EP300: variants seen among roughly 807,000 people sequenced by gnomAD.
The protein encoded by EP300 is histone acetyltransferase p300.
Under a neutral mutation model 264.0 loss-of-function variants are expected in EP300, and 31 were observed. The observed-to-expected ratio is 0.12, with a 90% CI of 0.09 to 0.16. The LOEUF is 0.16. EP300 is among the 10% of genes least tolerant of loss of function. The pLI, the probability that EP300 is intolerant of heterozygous loss-of-function variation, is 1.00. For missense variants in EP300, 2,766 were observed against 3,052.9 expected (o/e 0.91, Z 2.21); for synonymous variants, 1,340 against 1,045.4 (o/e 1.28, Z -5.44).
Position 41,092,775 on chromosome 22 carries a change from G to A in EP300, c.-230G>A, listed in dbSNP as rs895942153. Reference sequence around the variant, plus strand: ...TTTGTGCTCTTGTGCCCTCCTCCGGGCTTGGGCCCAGGCCCGGCCCCTCGC... The same window carrying A: ...TTTGTGCTCTTGTGCCCTCCTCCGGACTTGGGCCCAGGCCCGGCCCCTCGC... On this transcript the variant is annotated 5_prime_UTR_variant, in exon 1 of 31. Coordinates refer to ENST00000263253, the MANE Select transcript of EP300 (RefSeq NM_001429.4). 1.6e-6 allele frequency: 1 copy of A among 626,530 alleles called. No individual in the cohort carries two copies. The highest frequency in any genetic ancestry group is 1.9e-5 in the South Asian group (1 of 53,088). The allele number at this position is 626,530 out of a possible 1,614,324, so 38.8% of individuals were successfully genotyped here.
rs1485746491 is a variant in EP300, at chr22:41,179,079, A to G, written c.*123A>G. ...GACAATTTTCCTTGGAACACATAAG[A>G]ACTGTGCAGTAGCCGTTTGTGGTTT... On this transcript the variant is annotated 3_prime_UTR_variant, in exon 31 of 31. Coordinates refer to ENST00000263253, the MANE Select transcript of EP300 (RefSeq NM_001429.4). 8.8e-7 allele frequency: 1 copy of G among 1,138,872 alleles called. No homozygotes were observed. Among genetic ancestry groups the G allele is most frequent in the East Asian group, 2.5e-5 (1 of 40,188 alleles). 70.5% of individuals were successfully genotyped at this position (1,138,872 alleles called of 1,614,324 possible). A position where few individuals can be genotyped will look rare whatever the true frequency, so the allele number is the denominator to read the frequency against.
At chr22:41,119,707 G>A (rs1364422388) in intron 2 of EP300, among the ~76,000 whole-genome samples, 31 of 152,180 alleles carry the variant, frequency 2.0e-4, no homozygotes. Context: ...TCAGAAACTG[G>A]GTTTATATAG....
rs199783168 is a variant in EP300, at chr22:41,147,540, A to G, written c.2132-297A>G. ...ATCACAAGGTCAGGAGATAGAGACC[A>G]TCCTGGCTAACACAGTGAAACCCCC... is the stretch of plus-strand genomic sequence containing the variant. On this transcript the variant is annotated intron_variant, in intron 11 of 30. Coordinates refer to ENST00000263253, the MANE Select transcript of EP300 (RefSeq NM_001429.4). Among the ~76,000 whole-genome samples, 4 of 152,190 alleles carry G rather than the reference A, an allele frequency of 2.6e-5. No individual in the cohort carries two copies. In the East Asian group the frequency reaches 7.7e-4, roughly 29 times the overall value.
rs2058929868 is a variant in EP300 at position 41,133,113 on chromosome 22, G to A, written c.1528+1480G>A. On this transcript the variant is annotated intron_variant, in intron 6 of 30. Coordinates refer to ENST00000263253, the MANE Select transcript of EP300 (RefSeq NM_001429.4). Reference sequence around the variant, plus strand: ...CCTGCCTTGGCCTCCCAGAGTGCTGGGATTACAGGCATGAGCCACCGCACC... The same window carrying A: ...CCTGCCTTGGCCTCCCAGAGTGCTGAGATTACAGGCATGAGCCACCGCACC... Among the ~76,000 whole-genome samples the A allele has an allele frequency of 7.3e-5, 11 of 151,688 alleles. 1 individual carries two copies. The South Asian group carries it at 2.3e-3, about 32-fold the overall frequency.
chr22:41,105,816 T>G (rs1375241940), intron 1 of EP300, among the ~76,000 whole-genome samples: 1 of 152,206 alleles, frequency 6.6e-6, no homozygotes, highest in African/African-American at 2.4e-5. Flanking sequence ...TGCTTGCACT[T>G]TTGCCCTTTC....
intron 10 of EP300, among the ~76,000 whole-genome samples, chr22:41,145,026 T>C (rs2059003003): frequency 6.6e-6 from 1 of 152,242 alleles, no homozygotes; most frequent in Admixed American, 6.5e-5. Flanking sequence ...CACCATTCTC[T>C]ATTGTTTTGG....
At chr22:41,131,068 G>A (rs767688636) in intron 5 of EP300, among the ~76,000 whole-genome samples, 2 of 152,234 alleles carry the variant, frequency 1.3e-5, no homozygotes, top group South Asian at 2.1e-4. Context: ...CTCCTGTAGT[G>A]TAGGCAGAAA....
At chr22:41,151,470 A>C (rs2059045130) in intron 14 of EP300, among the ~76,000 whole-genome samples, 1 of 152,174 alleles carries the variant, frequency 6.6e-6, no homozygotes, top group South Asian at 2.1e-4. Context: ...TTCTCTGGTG[A>C]GAAGGTAAAA....
At chr22:41,143,870 C>A (rs114655779) in intron 10 of EP300, among the ~76,000 whole-genome samples, 2,678 of 152,288 alleles carry the variant, frequency 0.018, 71 homozygotes, top group African/African-American at 0.062. Flanking sequence ...TGAGCCATCA[C>A]ACCTGGCCAC....
chr22:41,136,516 C>T (rs1394242671), intron 7 of EP300, among the ~76,000 whole-genome samples: 1 of 151,836 alleles, frequency 6.6e-6, no homozygotes, highest in Non-Finnish European at 1.5e-5. Context: ...AAAAAGTTAA[C>T]GGGGCATGGT....
At chr22:41,176,749 G>C (rs552211337) in intron 30 of EP300, 24 bp from the exon 31 acceptor site, 2 of 1,613,690 alleles carry the variant, frequency 1.2e-6, no homozygotes, top group African/African-American at 2.7e-5. Flanking sequence ...GAGAGTTTAC[G>C]TGCACCTCCT....
At chr22:41,143,578 T>C in intron 10 of EP300, among the ~76,000 whole-genome samples, 1 of 152,142 alleles carries the variant, frequency 6.6e-6, no homozygotes, top group East Asian at 1.9e-4. Flanking sequence ...TTGTTGGTTT[T>C]GTTTTTGTTT....
In EP300 at chr22:41,155,080, T is replaced by C. The variant is rs762610158; in HGVS notation, c.3228T>C (p.Arg1076=). The C allele has an allele frequency of 2.5e-6, 4 of 1,613,966 alleles. No individual in the cohort carries two copies. Among genetic ancestry groups the C allele is most frequent in the Non-Finnish European group, 2.5e-6 (3 of 1,179,922 alleles). ...AGGATCCAGAATCCCTTCCCTTTCG[T>C]CAACCTGTGGACCCTCAGCTTTTAG... is the stretch of plus-strand genomic sequence containing the variant. ...YRQDPESLPF[R]QPVDPQLLGI... Residue 1076 remains arginine (R), a synonymous_variant, in exon 17 of 31, where the codon CGT becomes CGC. Transcript: ENST00000263253.
At chr22:41,140,448 T>C (rs17002308) in intron 9 of EP300, among the ~76,000 whole-genome samples, 191 bp downstream of exon 9, 2,294 of 152,262 alleles carry the variant, frequency 0.015, 23 homozygotes, top group Non-Finnish European at 0.022. Flanking sequence ...AAGAATCTTA[T>C]GTTTTTCCTC....
chr22:41,134,538 AC>A (rs1352147278), intron 6 of EP300, among the ~76,000 whole-genome samples: 1 of 151,964 alleles, frequency 6.6e-6, no homozygotes, highest in Non-Finnish European at 1.5e-5. Context: ...GGGACCACAT[AC>A]GTGCACCACC....
At chr22:41,129,097 G>A (rs549457015) in intron 4 of EP300, among the ~76,000 whole-genome samples, 9 of 151,746 alleles carry the variant, frequency 5.9e-5, no homozygotes, top group East Asian at 2.0e-4. Flanking sequence ...CGCAAGCTCC[G>A]CCTCCTGGGT....
chr22:41,144,109 A>G (rs2145729424), intron 10 of EP300, among the ~76,000 whole-genome samples: 1 of 152,346 alleles, frequency 6.6e-6, no homozygotes, highest in East Asian at 1.9e-4. Context: ...TGACAGAAGT[A>G]TGCATGTTAT....
chr22:41,097,634 C>A (rs1281589110), intron 1 of EP300, among the ~76,000 whole-genome samples: 3 of 151,914 alleles, frequency 2.0e-5, no homozygotes, highest in Non-Finnish European at 4.4e-5. Context: ...ATTCATATAC[C>A]CAGCAATTAA....
At chr22:41,094,373 T>C (rs140119524) in intron 1 of EP300, among the ~76,000 whole-genome samples, 62 of 152,270 alleles carry the variant, frequency 4.1e-4, no homozygotes, top group African/African-American at 1.3e-3. Context: ...TTTCAGAGGG[T>C]GAAAATGGGA....
Sources: gnomAD v4.1 joint callset for allele counts (sites outside exome capture counted in the v4.1 genomes callset) on GRCh38, gnomAD v4.1.1 for gene constraint, MANE v1.5 for transcripts, NCBI Gene and HGNC (gene_info 2026-07-23, HGNC 2026-07-21) for gene names.